Variants in HNRNPM observed in about 807,000 individuals in gnomAD.
HNRNPM encodes heterogeneous nuclear ribonucleoprotein M.
HNRNPM carries 11 observed loss-of-function variants against 73.1 expected under a neutral mutation model. The ratio of observed to expected loss-of-function variants is 0.15; its 90% CI spans 0.09 to 0.25. The LOEUF (loss-of-function observed/expected upper bound fraction) is 0.25. Among genes scored for constraint, HNRNPM ranks in the 10% least tolerant of loss-of-function variants. HNRNPM has a pLI of 1.00. For synonymous variants in HNRNPM, 407 were observed against 355.2 expected (o/e 1.15, Z -1.64); for missense variants, 789 against 1,067.9 (o/e 0.74, Z 3.64).
chr19:8,467,420 T>A, intron 7 of HNRNPM, 115 bp from the exon 8 acceptor site: 1 of 710,928 alleles, frequency 1.4e-6, no homozygotes, highest in South Asian at 1.6e-5. Flanking sequence ...TTGAAATTGC[T>A]CATAAATTCA....
intron 15 of HNRNPM, chr19:8,487,287 C>CT (rs1339191896): frequency 1.6e-5 from 9 of 566,656 alleles, no homozygotes; most frequent in Middle Eastern, 4.8e-4. Context: ...TCCTTACTTC[C>CT]TTTTTTCTTT....
intron 7 of HNRNPM, 114 bp downstream of exon 7, chr19:8,466,502 TA>T (rs1407288065): frequency 1.1e-5 from 12 of 1,061,062 alleles, no homozygotes; most frequent in South Asian, 2.6e-5. Flanking sequence ...TTTATGTGAC[TA>T]GGGGGAGTGC....
chr19:8,469,878 G>A (rs546384880), intron 9 of HNRNPM, among the ~76,000 whole-genome samples: 18 of 152,362 alleles, frequency 1.2e-4, no homozygotes, highest in Admixed American at 7.8e-4. Context: ...CCTTTGCAGC[G>A]TAGCATTATG....
intron 7 of HNRNPM, 105 bp from the exon 8 acceptor site, chr19:8,467,430 A>G (rs1346174343): frequency 2.7e-6 from 2 of 754,208 alleles, no homozygotes; most frequent in African/African-American, 1.8e-5. Context: ...TCATAAATTC[A>G]TCACTTAGAG....
At chr19:8,457,211 C>T (rs143506137) in intron 2 of HNRNPM, among the ~76,000 whole-genome samples, 1 of 152,244 alleles carries the variant, frequency 6.6e-6, no homozygotes, top group East Asian at 1.9e-4. Context: ...TTGGGACATG[C>T]TGGATGAAGT....
intron 9 of HNRNPM, among the ~76,000 whole-genome samples, chr19:8,471,121 G>A (rs1306526201): frequency 6.8e-6 from 1 of 147,346 alleles, no homozygotes; most frequent in Non-Finnish European, 1.5e-5. Flanking sequence ...CGCCTTTGTT[G>A]TATACACACA....
chr19:8,487,105 T>C, intron 15 of HNRNPM, 30 bp downstream of exon 15: 1 of 1,592,626 alleles, frequency 6.3e-7, no homozygotes, highest in Non-Finnish European at 8.6e-7. Context: ...TTGTAGGTGC[T>C]TCCCTCGTGC....
At chr19:8,476,505 G>A (rs528127829) in intron 12 of HNRNPM, among the ~76,000 whole-genome samples, 1 of 152,024 alleles carries the variant, frequency 6.6e-6, no homozygotes, top group African/African-American at 2.4e-5. Flanking sequence ...TCAAAAGATT[G>A]TTAAATGTCG....
At position 8,477,708 on chromosome 19, in the gene HNRNPM, A is replaced by G. The variant is rs1970616542; in HGVS notation, c.1120+3464A>G. ...AAAAAAAAAAAGAACCTTACAAAAT[A>G]TGAGAAAGTTGTGACCCAAACCCCG... On this transcript the variant is annotated intron_variant, in intron 12 of 15. Transcript: ENST00000325495. Among the ~76,000 whole-genome samples the G allele has an allele frequency of 2.7e-5, 4 of 149,470 alleles. No individual in the cohort carries two copies. In the South Asian group the frequency reaches 6.3e-4, roughly 24 times the overall value.
chr19:8,466,387 A>G lies in HNRNPM; in HGVS notation c.783A>G (p.Ile261Met), dbSNP rs1410174904. The change falls in exon 7 of 16, where the codon ATA becomes ATG. Residue 261 changes from isoleucine (I) to methionine (M), a missense_variant and splice_region_variant. Coordinates refer to ENST00000325495, the MANE Select transcript of HNRNPM (RefSeq NM_005968.5). ...FEQSIEAVQA[I>M]SMFNGQLLFD... The stretch of plus-strand genomic sequence containing the variant: ...AGTCCATTGAAGCTGTGCAAGCTAT[A>G]TGTATCCTTCTGCAGGAATTCAACT... The G allele has an allele frequency of 6.2e-7, 1 of 1,613,846 alleles. No homozygotes were observed. The highest frequency in any genetic ancestry group is 8.5e-7 in the Non-Finnish European group (1 of 1,179,916).
Position 8,488,821 on chromosome 19 carries a change from A to G in HNRNPM, c.2160A>G (p.Arg720=). 2 of 1,614,158 alleles carry G rather than the reference A, an allele frequency of 1.2e-6. No individual in the cohort carries two copies. Among genetic ancestry groups the G allele is most frequent in the East Asian group, 2.2e-5 (1 of 44,884 alleles). The stretch of plus-strand genomic sequence containing the variant: ...TGAATGGCATGAAGCTGAGTGGCCG[A>G]GAGATTGACGTTCGAATTGATAGAA... ...RMMNGMKLSG[R]EIDVRIDRNA is the part of the protein sequence containing the mutation. Residue 720 remains arginine, a synonymous_variant, in exon 16 of 16, where the codon CGA becomes CGG. Transcript: ENST00000325495.
At chr19:8,451,276 C>T (rs923936979) in intron 1 of HNRNPM, among the ~76,000 whole-genome samples, 1 of 151,808 alleles carries the variant, frequency 6.6e-6, no homozygotes, top group Non-Finnish European at 1.5e-5. Flanking sequence ...CTCCTGACCT[C>T]AGGTGATCTG....
chr19:8,461,096 T>TC (rs1340298058), intron 2 of HNRNPM, among the ~76,000 whole-genome samples: 3 of 152,228 alleles, frequency 2.0e-5, no homozygotes, highest in African/African-American at 7.2e-5. Flanking sequence ...CTTCATTTCT[T>TC]TGCACTGATG....
chr19:8,478,991 G>A (rs1337861209), intron 12 of HNRNPM, among the ~76,000 whole-genome samples: 1 of 149,924 alleles, frequency 6.7e-6, no homozygotes, highest in African/African-American at 2.5e-5. Context: ...AAGGTCTTGA[G>A]TATTTAGGCC....
In HNRNPM at chr19:8,462,279, G is replaced by T. The variant is rs1969456333; in HGVS notation, c.284-250G>T. On this transcript the variant is annotated intron_variant, in intron 2 of 15. Coordinates refer to ENST00000325495, the MANE Select transcript of HNRNPM (RefSeq NM_005968.5). This position sits in a 1 kb window ranked among gnomAD's most constrained non-coding sequence, Gnocchi z 4.5. ...AATGAGTCTTCCAGACAGGGAAATT[G>T]ATACGGAAATCTGTGGAATAGCTTG... 4 of 462,942 alleles carry T rather than the reference G, an allele frequency of 8.6e-6. No homozygotes were observed. The highest frequency in any genetic ancestry group is 3.4e-5 in the East Asian group (1 of 29,120). 28.7% of individuals were successfully genotyped at this position (462,942 alleles called of 1,614,324 possible).
rs930833535 is a variant in HNRNPM, at chr19:8,485,821, A to G, written c.1393A>G (p.Met465Val). Residue 465 changes from methionine to valine, a missense_variant, in exon 14 of 16, where the codon ATG becomes GTG. Physicochemically the swap from Met to Val is conservative, Grantham distance 21. Around this residue, in one of 4 missense-constraint regions of HNRNPM, gnomAD observed 604 missense variants for 744.0 expected, o/e 0.81. Transcript: ENST00000325495. ...CATGGGCCCGCTGGGCCTCGACCAC[A>G]TGGCCTCCAGCATTGAGCGCATGGG... is the stretch of plus-strand genomic sequence containing the variant. The part of the protein sequence containing the change: ...ERMGPLGLDH[M>V]ASSIERMGQT... 1 of 1,602,140 alleles carries G rather than the reference A, an allele frequency of 6.2e-7. No homozygotes were observed. Among genetic ancestry groups the G allele is most frequent in the Non-Finnish European group, 8.5e-7 (1 of 1,179,160 alleles).
At chr19:8,445,459 T>C (rs1298742543) in intron 1 of HNRNPM, 1 of 202,034 alleles carries the variant, frequency 4.9e-6, no homozygotes, top group Non-Finnish European at 9.9e-6. Flanking sequence ...CCCGGGAGGG[T>C]GACCTCGGGG....
In HNRNPM at chr19:8,445,037, G is replaced by A. The variant is rs752231278; in HGVS notation, c.39G>A (p.Ala13=). The A allele has an allele frequency of 2.4e-5, 34 of 1,427,772 alleles. No homozygotes were observed. The highest frequency in any genetic ancestry group is 2.9e-5 in the Non-Finnish European group (32 of 1,094,534). The allele number at this position is 1,427,772 out of a possible 1,614,324, so 88.4% of individuals were successfully genotyped here. The change falls in exon 1 of 16, where the codon GCG becomes GCA. Residue 13 remains alanine, a synonymous_variant. Transcript: ENST00000325495. ...AGVEAAAEVA[A]TEIKMEEESG... ...TCGAAGCGGCGGCGGAGGTGGCGGC[G>A]ACGGAGATCAAAATGGAGGAAGAGA... is the stretch of plus-strand genomic sequence containing the variant.
chr19:8,458,512 T>A (rs1969176692), intron 2 of HNRNPM, among the ~76,000 whole-genome samples: 1 of 152,206 alleles, frequency 6.6e-6, no homozygotes, highest in Non-Finnish European at 1.5e-5. Flanking sequence ...CTGCTTCTCT[T>A]GACCTCACCA....
Sources: allele counts gnomAD v4.1 joint callset (sites outside exome capture counted in the v4.1 genomes callset), GRCh38; gene constraint gnomAD v4.1.1; regional missense constraint gnomAD v4.1.1; non-coding constraint Gnocchi (gnomAD v3.1); transcripts MANE v1.5; gene names NCBI Gene and HGNC (gene_info 2026-07-23, HGNC 2026-07-21).